Variants in PHYKPL observed in about 807,000 individuals in gnomAD.
PHYKPL encodes 5-phosphohydroxy-L-lysine phospho-lyase.
In PHYKPL, 42 loss-of-function variants were observed where a neutral mutation model predicts 51.3. The observed-to-expected ratio is 0.82, with a 90% CI of 0.64 to 1.06. The LOEUF is 1.06. Ranked by LOEUF, PHYKPL falls within the 50% of genes least tolerant of loss-of-function variation. PHYKPL has a pLI of 0.00. For synonymous variants in PHYKPL, 264 were observed against 236.0 expected (o/e 1.12, Z -1.09); for missense variants, 655 against 586.6 (o/e 1.12, Z -1.20).
rs763702252 is a variant in PHYKPL at position 178,213,510 on chromosome 5, C to T, written c.1173-407G>A. Among the ~76,000 whole-genome samples, 2 of 141,622 alleles carry T rather than the reference C, an allele frequency of 1.4e-5. 1 individual carries two copies. Among genetic ancestry groups the T allele is most frequent in the South Asian group, 4.2e-4 (2 of 4,798 alleles). 92.9% of individuals were successfully genotyped at this position (141,622 alleles called of 152,430 possible). A position where few individuals can be genotyped will look rare whatever the true frequency, so the allele number is the denominator to read the frequency against. On this transcript the variant is annotated intron_variant, in intron 10 of 12. Transcript: ENST00000308158. Reference sequence around the variant, plus strand: ...AGTTGGTGTAATGAGCTCCACGTGCCCCTCACCAGCTTCAGGCATCTTCCT... The same window carrying T: ...AGTTGGTGTAATGAGCTCCACGTGCTCCTCACCAGCTTCAGGCATCTTCCT...
chr5:178,223,264 G>A (rs1345509853), intron 6 of PHYKPL: 3 of 426,256 alleles, frequency 7.0e-6, no homozygotes, highest in Non-Finnish European at 4.7e-6. Flanking sequence ...CACTGCCCAA[G>A]GATTCTACCT....
At chr5:178,212,924 C>T (rs557193610) in intron 11 of PHYKPL, 49 bp downstream of exon 11, 2 of 1,604,566 alleles carry the variant, frequency 1.2e-6, no homozygotes, top group South Asian at 2.2e-5. Flanking sequence ...TAGTTGCTGG[C>T]TTCAGGCTGA....
intron 11 of PHYKPL, among the ~76,000 whole-genome samples, chr5:178,212,612 ACTC>A (rs1758800628): frequency 6.6e-6 from 1 of 151,714 alleles, no homozygotes; most frequent in African/African-American, 2.4e-5. Flanking sequence ...ACAGAATGAA[ACTC>A]CTGCCATCTC....
At chr5:178,227,423 C>G (rs867289721) in intron 3 of PHYKPL, among the ~76,000 whole-genome samples, 1 of 152,208 alleles carries the variant, frequency 6.6e-6, no homozygotes, top group Non-Finnish European at 1.5e-5. Flanking sequence ...AGAGCCAGAG[C>G]AGACCAACAC....
intron 8 of PHYKPL, among the ~76,000 whole-genome samples, chr5:178,219,113 A>G (rs1760565411): frequency 6.6e-6 from 1 of 152,218 alleles, no homozygotes; most frequent in African/African-American, 2.4e-5. Context: ...AAGAGGAAAC[A>G]TAAATGAATA....
In PHYKPL at chr5:178,228,603, A is replaced by T. The variant is rs1237294354; in HGVS notation, c.338+1337T>A. 8.5e-6 allele frequency: 6 copies of T among 702,562 alleles called. No homozygotes were observed. The South Asian group carries it at 8.9e-5, about 10-fold the overall frequency. 43.5% of individuals were successfully genotyped at this position (702,562 alleles called of 1,614,324 possible). A position where few individuals can be genotyped will look rare whatever the true frequency, so the allele number is the denominator to read the frequency against. On this transcript the variant is annotated intron_variant, in intron 3 of 12. Transcript: ENST00000308158. ...CTGTTACCCCACCTGTAAAATGAAG[A>T]TGGTGAATTCCACTTCCTAGAAATT...
intron 7 of PHYKPL, 116 bp downstream of exon 7, chr5:178,222,736 G>T: frequency 7.3e-7 from 1 of 1,371,480 alleles, no homozygotes; most frequent in Non-Finnish European, 1.0e-6. Context: ...TTCTTTAAGG[G>T]CTTTGTCTCA....
Position 178,215,382 on chromosome 5 carries a change from C to T in PHYKPL, c.976G>A (p.Val326Ile). Residue 326 changes from valine to isoleucine, a missense_variant, in exon 9 of 13, where the codon GTC becomes ATC. Transcript: ENST00000308158. ...SCAVGLAVLN[V>I]LEKEQLQDHA... ...TCCTGGAGCTGCTCCTTCTCCAAGACATTCAGGACGGCCAGCCCCACAGCG... is the reference window on the plus strand; with the variant it reads ...TCCTGGAGCTGCTCCTTCTCCAAGATATTCAGGACGGCCAGCCCCACAGCG... 1 of 1,614,022 alleles carries T rather than the reference C, an allele frequency of 6.2e-7. No individual in the cohort carries two copies. The highest frequency in any genetic ancestry group is 8.5e-7 in the Non-Finnish European group (1 of 1,179,982).
chr5:178,214,776 T>A lies in PHYKPL; in HGVS notation c.1172+20A>T. ...GGTGTCTCCTACTCCAGGAAGCAAC[T>A]TGTTTCAAGAAGAAAATACCTTGAT... On this transcript the variant is annotated intron_variant, in intron 10 of 12. Transcript: ENST00000308158. 1 of 1,613,172 alleles carries A rather than the reference T, an allele frequency of 6.2e-7. No homozygotes were observed. Among genetic ancestry groups the A allele is most frequent in the Non-Finnish European group, 8.5e-7 (1 of 1,179,384 alleles).
At chr5:178,231,069 A>G (rs1471799847) in intron 2 of PHYKPL, 1 of 232,370 alleles carries the variant, frequency 4.3e-6, no homozygotes, top group African/African-American at 2.3e-5. Flanking sequence ...GAGATGGCCA[A>G]TGGGGCTGAA....
At chr5:178,211,681 G>A (rs2113679395) in intron 12 of PHYKPL, 2 of 560,430 alleles carry the variant, frequency 3.6e-6, no homozygotes, top group East Asian at 6.0e-5. Flanking sequence ...AGCCCCATAG[G>A]TTTCAAGGGA....
At chr5:178,212,229 C>G (rs534979757) in intron 11 of PHYKPL, among the ~76,000 whole-genome samples, 1 of 152,234 alleles carries the variant, frequency 6.6e-6, no homozygotes, top group African/African-American at 2.4e-5. Context: ...AAACACACTC[C>G]TATTCATCAT....
Position 178,231,598 on chromosome 5 carries a change from G to A in PHYKPL, c.60-75C>T, listed in dbSNP as rs1262359394. ...TGAAGTCTACTCATCGCAGACCCCC[G>A]CCCACCCCTTCCCAGTTTCTGGTGG... On this transcript the variant is annotated intron_variant, in intron 1 of 12. Transcript: ENST00000308158. 16 of 1,608,014 alleles carry A rather than the reference G, an allele frequency of 1.0e-5. No individual in the cohort carries two copies. The Admixed American group carries it at 2.0e-4, about 20-fold the overall frequency.
At chr5:178,209,255 C>A in intron 12 of PHYKPL, 3 of 1,110,916 alleles carry the variant, frequency 2.7e-6, no homozygotes, top group South Asian at 1.3e-5. Context: ...TGATGTTTGT[C>A]GCAGTGAAGG....
chr5:178,231,468 C>T lies in PHYKPL; in HGVS notation c.115G>A (p.Gly39Arg), dbSNP rs1196056835. Reference protein sequence around the residue: ...EDPVKIVRAQGQYMYDEQGAE... With the variant: ...EDPVKIVRAQRQYMYDEQGAE... The stretch of plus-strand genomic sequence containing the variant: ...CCCTGTTCATCGTACATGTACTGCC[C>T]TTGGGCCCGGACAATCTTAACAGGA... The change falls in exon 2 of 13, where the codon GGG (glycine) becomes AGG (arginine). Residue 39 changes from glycine (G) to arginine (R), a missense_variant. Physicochemically the swap from Gly to Arg is moderately radical, Grantham distance 125. Transcript: ENST00000308158. The T allele has an allele frequency of 8.7e-6, 14 of 1,614,224 alleles. No individual in the cohort carries two copies. The highest frequency in any genetic ancestry group is 1.2e-5 in the Non-Finnish European group (14 of 1,180,046).
At chr5:178,210,902 C>G (rs187811984) in intron 12 of PHYKPL, 1 of 495,420 alleles carries the variant, frequency 2.0e-6, no homozygotes, top group East Asian at 3.7e-5. Context: ...TTCCTGCTGC[C>G]GCTCTGCAGC....
rs893788316 is a variant in PHYKPL, at chr5:178,232,338, G to T, written c.59+154C>A. The T allele has an allele frequency of 8.4e-5, 107 of 1,271,736 alleles. No individual in the cohort carries two copies. In the Middle Eastern group the frequency reaches 1.5e-3, roughly 18 times the overall value. 78.8% of individuals were successfully genotyped at this position (1,271,736 alleles called of 1,614,324 possible). ...GCGCCGCCCGCCTCGGGCCCTAGAA[G>T]CTCCAGCGGGGCCGGGGCAGCGGCC... On this transcript the variant is annotated intron_variant, in intron 1 of 12. Transcript: ENST00000308158.
At chr5:178,212,816 G>A (rs1033767785) in intron 11 of PHYKPL, among the ~76,000 whole-genome samples, 157 bp downstream of exon 11, 1 of 152,186 alleles carries the variant, frequency 6.6e-6, no homozygotes, top group African/African-American at 2.4e-5. Flanking sequence ...GAGCAGATTG[G>A]GCCATGAAAG....
At chr5:178,231,630 G>C (rs541504516) in intron 1 of PHYKPL, 107 bp from the exon 2 acceptor site, 3 of 1,606,586 alleles carry the variant, frequency 1.9e-6, no homozygotes, top group East Asian at 4.5e-5. Flanking sequence ...GTGGCGGGGG[G>C]GAAATGAGAG....
Sources: allele counts gnomAD v4.1 joint callset (sites outside exome capture counted in the v4.1 genomes callset), GRCh38; gene constraint gnomAD v4.1.1; transcripts MANE v1.5; gene names NCBI Gene and HGNC (gene_info 2026-07-23, HGNC 2026-07-21).